Variants in RSPO2 observed in about 807,000 individuals in gnomAD.
RSPO2 encodes the protein R-spondin-2.
A neutral mutation model predicts 30.9 loss-of-function variants in RSPO2; 14 were observed. The observed-to-expected ratio is 0.45, with a 90% CI of 0.30 to 0.71. The LOEUF is 0.71. Ranked by LOEUF, RSPO2 falls within the 30% of genes least tolerant of loss-of-function variation. The pLI is 0.08. For synonymous variants in RSPO2, 107 were observed against 96.4 expected, an observed-to-expected ratio of 1.11 and a Z score of -0.64; for missense variants, 264 against 301.9, an observed-to-expected ratio of 0.87 and a Z score of 0.93.
At chr8:108,074,905 G>C (rs1009176172) in intron 2 of RSPO2, among the ~76,000 whole-genome samples, 3 of 152,174 alleles carry the variant, frequency 2.0e-5, no homozygotes, top group African/African-American at 4.8e-5. Flanking sequence ...GCACTACACA[G>C]AACTGTGTGG....
intron 3 of RSPO2, among the ~76,000 whole-genome samples, chr8:107,964,432 C>T (rs1418280255): frequency 3.3e-5 from 5 of 152,036 alleles, no homozygotes; most frequent in Non-Finnish European, 7.4e-5. Flanking sequence ...TTAGTAGAGA[C>T]GGGGTTTCAC....
At position 107,998,031 on chromosome 8, in the gene RSPO2, T is replaced by C. The variant is rs527575619; in HGVS notation, c.95-8787A>G. On this transcript the variant is annotated intron_variant, in intron 2 of 5. Transcript: ENST00000276659. The stretch of plus-strand genomic sequence containing the variant: ...TTCTGAAAATAATAAGACTGAACAG[T>C]GGGCTGTTGGCATCTTAGCCTCACT... Among the ~76,000 whole-genome samples, 6 of 152,286 alleles carry C rather than the reference T, an allele frequency of 3.9e-5. No homozygotes were observed. In the South Asian group the frequency reaches 1.0e-3, roughly 26 times the overall value.
chr8:108,055,948 T>C (rs1273353019), intron 2 of RSPO2, among the ~76,000 whole-genome samples: 1 of 152,212 alleles, frequency 6.6e-6, no homozygotes, highest in Non-Finnish European at 1.5e-5. Flanking sequence ...AATGCCTAGA[T>C]AGAATTCTAG....
In RSPO2 at chr8:107,901,162, C is replaced by G; in HGVS notation, c.645G>C (p.Lys215Asn). 6.2e-7 allele frequency: 1 copy of G among 1,613,986 alleles called. No homozygotes were observed. Among genetic ancestry groups the G allele is most frequent in the Non-Finnish European group, 8.5e-7 (1 of 1,179,934 alleles). The change falls in exon 6 of 6, where the codon AAG becomes AAC. Residue 215 changes from lysine to asparagine, a missense_variant. Physicochemically the swap from Lys to Asn is moderately conservative, Grantham distance 94. Transcript: ENST00000276659. ...GGKRTPKAKE[K>N]RNKKKKRKLI... is the part of the protein sequence containing the mutation. ...GCTTCCTTTTCTTTTTCTTGTTCCT[C>G]TTCTCCTTCGCCTTTGGTGTTCTCT...
At chr8:108,002,440 T>A (rs1198295224) in intron 2 of RSPO2, among the ~76,000 whole-genome samples, 3 of 152,216 alleles carry the variant, frequency 2.0e-5, no homozygotes, top group East Asian at 3.9e-4. Flanking sequence ...TGCCATAGTG[T>A]CTGACCTATC....
intron 5 of RSPO2, among the ~76,000 whole-genome samples, chr8:107,929,346 T>C (rs1037730025): frequency 1.3e-5 from 2 of 152,166 alleles, no homozygotes; most frequent in African/African-American, 4.8e-5. Context: ...TCAGGATGGA[T>C]GTTTACCAAA....
chr8:107,982,970 G>T, intron 3 of RSPO2: 1 of 505,548 alleles, frequency 2.0e-6, no homozygotes, highest in Non-Finnish European at 3.4e-6. Flanking sequence ...TATAAATAGT[G>T]TTGGCTCCCT....
chr8:107,911,822 T>C (rs1411985983), intron 5 of RSPO2, among the ~76,000 whole-genome samples: 2 of 152,170 alleles, frequency 1.3e-5, no homozygotes, highest in African/African-American at 4.8e-5. Flanking sequence ...GGATCCCTTA[T>C]GCCCAGCAAA....
At chr8:107,993,099 T>A (rs1039253058) in intron 2 of RSPO2, among the ~76,000 whole-genome samples, 2 of 152,166 alleles carry the variant, frequency 1.3e-5, no homozygotes, top group Admixed American at 6.5e-5. Flanking sequence ...AAACTAAATA[T>A]CTTATATTCA....
intron 5 of RSPO2, among the ~76,000 whole-genome samples, chr8:107,924,370 C>T (rs1029020157): frequency 3.3e-5 from 5 of 151,992 alleles, no homozygotes; most frequent in Non-Finnish European, 5.9e-5. Context: ...TAGTACTGCA[C>T]AATATTAACA....
chr8:108,009,734 C>T (rs1488584355), intron 2 of RSPO2, among the ~76,000 whole-genome samples: 1 of 152,120 alleles, frequency 6.6e-6, no homozygotes, highest in Admixed American at 6.6e-5. Flanking sequence ...CAAAAATCTT[C>T]CCTTTCCTTT....
chr8:107,942,447 C>G (rs537240949), intron 5 of RSPO2, among the ~76,000 whole-genome samples: 105 of 152,266 alleles, frequency 6.9e-4, no homozygotes, highest in African/African-American at 2.5e-3. Context: ...AGCTTAATTT[C>G]TTCTACATCT....
chr8:107,907,676 A>G (rs979789478), intron 5 of RSPO2, among the ~76,000 whole-genome samples: 3 of 152,098 alleles, frequency 2.0e-5, no homozygotes, highest in Non-Finnish European at 2.9e-5. Flanking sequence ...TTCTCTCAAC[A>G]TACAAATGTG....
chr8:108,037,937 T>C (rs1468826237), intron 2 of RSPO2, among the ~76,000 whole-genome samples: 1 of 152,214 alleles, frequency 6.6e-6, no homozygotes, highest in Non-Finnish European at 1.5e-5. Flanking sequence ...AGGAGATTAA[T>C]GTTTTCATGC....
At position 107,920,384 on chromosome 8, in the gene RSPO2, G is replaced by T. The variant is rs1344921562; in HGVS notation, c.617-19194C>A. 5.3e-5 allele frequency among the ~76,000 whole-genome samples: 8 copies of T among 152,108 alleles called. 1 individual carries two copies. Among genetic ancestry groups the T allele is most frequent in the Admixed American group, 3.9e-4 (6 of 15,252 alleles). Reference sequence around the variant, plus strand: ...TTGGTATTAAGATCGCTTTGTCATTGATCCTATCCAAAAGGTTTCTATAAT... The same window carrying T: ...TTGGTATTAAGATCGCTTTGTCATTTATCCTATCCAAAAGGTTTCTATAAT... On this transcript the variant is annotated intron_variant, in intron 5 of 5. Transcript: ENST00000276659.
chr8:108,082,414 TG>T, intron 2 of RSPO2, 130 bp downstream of exon 2: 1 of 668,902 alleles, frequency 1.5e-6, no homozygotes, highest in South Asian at 1.8e-5. Flanking sequence ...AGGTGGGGAC[TG>T]GGGACCCGCA....
chr8:108,079,046 TA>T (rs1357667768), intron 2 of RSPO2, among the ~76,000 whole-genome samples: 2 of 152,142 alleles, frequency 1.3e-5, no homozygotes, highest in Non-Finnish European at 2.9e-5. Flanking sequence ...AAAATGAAAG[TA>T]ATCAAAGAAC....
intron 5 of RSPO2, among the ~76,000 whole-genome samples, chr8:107,947,815 A>G (rs1013061085): frequency 1.3e-5 from 2 of 152,210 alleles, no homozygotes; most frequent in African/African-American, 4.8e-5. Flanking sequence ...CCATGGACAC[A>G]CTTCAGTCAG....
At position 108,062,649 on chromosome 8, in the gene RSPO2, C is replaced by T. The variant is rs535306943; in HGVS notation, c.94+19896G>A. On this transcript the variant is annotated intron_variant, in intron 2 of 5. Coordinates refer to ENST00000276659, the MANE Select transcript of RSPO2 (RefSeq NM_178565.5). ...TTCCTTCTGAAACTATTCCAATCAA[C>T]AGAAAAAGACGGAATCCTCCCTAAC... Among the ~76,000 whole-genome samples, 17 of 151,856 alleles carry T rather than the reference C, an allele frequency of 1.1e-4. 1 individual carries two copies. Among genetic ancestry groups the T allele is most frequent in the Non-Finnish European group, 1.6e-4 (11 of 67,998 alleles).
Sources: allele counts gnomAD v4.1 joint callset (sites outside exome capture counted in the v4.1 genomes callset), GRCh38; gene constraint gnomAD v4.1.1; transcripts MANE v1.5; gene names NCBI Gene and HGNC (gene_info 2026-07-23, HGNC 2026-07-21).